Variants in ZFPM2 observed in about 807,000 individuals in gnomAD.
The protein encoded by ZFPM2 is zinc finger protein, FOG family member 2.
ZFPM2 carries 20 observed loss-of-function variants against 98.6 expected under a neutral mutation model. The ratio of observed to expected loss-of-function variants is 0.20; its 90% CI spans 0.14 to 0.29. The LOEUF (loss-of-function observed/expected upper bound fraction) is 0.29. Among genes scored for constraint, ZFPM2 ranks in the 10% least tolerant of loss-of-function variants. The probability of loss-of-function intolerance (pLI) is 1.00; values close to 1 mark genes in which losing one functional copy is unlikely to be tolerated. For synonymous variants in ZFPM2, 518 were observed against 502.7 expected (o/e 1.03, Z -0.41); for missense variants, 1,310 against 1,388.6 (o/e 0.94, Z 0.90).
At chr8:105,722,343 T>G (rs1811686901) in intron 5 of ZFPM2, among the ~76,000 whole-genome samples, 1 of 151,886 alleles carries the variant, frequency 6.6e-6, no homozygotes, top group South Asian at 2.1e-4. Context: ...TGTCAATTTA[T>G]TTTTCGATTA....
At chr8:105,354,224 A>G (rs1812699757) in intron 1 of ZFPM2, among the ~76,000 whole-genome samples, 2 of 152,226 alleles carry the variant, frequency 1.3e-5, no homozygotes, top group Non-Finnish European at 2.9e-5. Flanking sequence ...AAACACTGCA[A>G]TGCACTGAAA....
intron 4 of ZFPM2, among the ~76,000 whole-genome samples, chr8:105,579,307 TAGAA>T (rs1815535672): frequency 2.0e-5 from 3 of 152,196 alleles, no homozygotes; most frequent in African/African-American, 7.2e-5. Context: ...AAAATCAAGT[TAGAA>T]AGTAAAAACT....
intron 3 of ZFPM2, among the ~76,000 whole-genome samples, chr8:105,551,833 T>C (rs748331002): frequency 1.8e-4 from 27 of 152,186 alleles, no homozygotes; most frequent in South Asian, 4.1e-4. Context: ...AATCTCATCA[T>C]GTTACAATAC....
chr8:105,507,331 T>G (rs758477041), intron 3 of ZFPM2, among the ~76,000 whole-genome samples: 1 of 152,184 alleles, frequency 6.6e-6, no homozygotes, highest in Non-Finnish European at 1.5e-5. Flanking sequence ...AATGTGAGAA[T>G]TTCTTCATGA....
intron 1 of ZFPM2, among the ~76,000 whole-genome samples, chr8:105,396,991 A>G (rs1392431028): frequency 2.6e-5 from 4 of 152,212 alleles, no homozygotes; most frequent in African/African-American, 9.6e-5. Context: ...TTAATTACAT[A>G]TTACTCAAGA....
chr8:105,527,483 A>G (rs1039583421), intron 3 of ZFPM2, among the ~76,000 whole-genome samples: 23 of 152,246 alleles, frequency 1.5e-4, no homozygotes, highest in Admixed American at 7.2e-4. Context: ...AGATTTGAAA[A>G]GGGCAGAGTT....
intron 2 of ZFPM2, among the ~76,000 whole-genome samples, chr8:105,427,713 A>G (rs1160761020): frequency 6.6e-6 from 1 of 152,222 alleles, no homozygotes; most frequent in Admixed American, 6.5e-5. Context: ...TAATAAACTC[A>G]GCCACTTTTT....
intron 1 of ZFPM2, among the ~76,000 whole-genome samples, chr8:105,325,678 G>A (rs535970380): frequency 1.3e-5 from 2 of 151,760 alleles, no homozygotes; most frequent in African/African-American, 2.4e-5. Flanking sequence ...TTTTGTTTGC[G>A]AATAGAGGCT....
intron 1 of ZFPM2, among the ~76,000 whole-genome samples, chr8:105,338,780 C>T (rs1471497574): frequency 6.6e-6 from 1 of 151,718 alleles, no homozygotes; most frequent in Non-Finnish European, 1.5e-5. Flanking sequence ...TGTGTCTTAC[C>T]TTAAGGTTGT....
intron 1 of ZFPM2, among the ~76,000 whole-genome samples, chr8:105,379,660 A>C (rs527930812): frequency 1.2e-4 from 18 of 151,598 alleles, no homozygotes; most frequent in African/African-American, 4.4e-4. Flanking sequence ...GGCTGAGGCG[A>C]GAGAATTACT....
At chr8:105,477,662 T>C (rs1167696697) in intron 3 of ZFPM2, among the ~76,000 whole-genome samples, 1 of 152,190 alleles carries the variant, frequency 6.6e-6, no homozygotes, top group Non-Finnish European at 1.5e-5. Flanking sequence ...TAATACCTAA[T>C]GATTTTCTAA....
intron 1 of ZFPM2, among the ~76,000 whole-genome samples, chr8:105,381,423 A>G (rs1170899011): frequency 1.3e-5 from 2 of 152,136 alleles, no homozygotes; most frequent in African/African-American, 2.4e-5. Flanking sequence ...ACCCAATCAG[A>G]GAATTTGAGT....
chr8:105,444,146 T>C (rs1367983570), intron 2 of ZFPM2, 134 bp from the exon 3 acceptor site: 2 of 660,630 alleles, frequency 3.0e-6, no homozygotes, highest in Non-Finnish European at 5.3e-6. Context: ...TCATGAACAT[T>C]TATTAGTGTA....
chr8:105,574,714 T>C (rs992250705), intron 4 of ZFPM2, among the ~76,000 whole-genome samples: 3 of 151,422 alleles, frequency 2.0e-5, no homozygotes, highest in African/African-American at 4.9e-5. Flanking sequence ...TGTACCTCAT[T>C]ACCCTATGTG....
chr8:105,801,324 A>G lies in ZFPM2; in HGVS notation c.1242A>G (p.Leu414=). ...ACAGCTTACAGCCAGCCACAGACTT[A>G]TTGACCAGAAGCGAACTTCCCCAGA... The part of the protein sequence containing the change: ...TEDSLQPATD[L]LTRSELPQSQ... The change falls in exon 8 of 8, where the codon TTA becomes TTG. Residue 414 remains leucine, a synonymous_variant. Transcript: ENST00000407775. 1 of 1,613,950 alleles carries G rather than the reference A, an allele frequency of 6.2e-7. No individual in the cohort carries two copies.
At chr8:105,431,708 G>A (rs1812023101) in intron 2 of ZFPM2, among the ~76,000 whole-genome samples, 1 of 152,030 alleles carries the variant, frequency 6.6e-6, no homozygotes, top group South Asian at 2.1e-4. Context: ...GAGTCCAGGA[G>A]TTTGACACCA....
chr8:105,619,112 CTT>C (rs1816477331), intron 4 of ZFPM2, among the ~76,000 whole-genome samples: 1 of 152,046 alleles, frequency 6.6e-6, no homozygotes, highest in Non-Finnish European at 1.5e-5. Context: ...TTTTTAGAGA[CTT>C]TTATTTTAAA....
At chr8:105,579,137 G>A (rs190847283) in intron 4 of ZFPM2, among the ~76,000 whole-genome samples, 2 of 151,974 alleles carry the variant, frequency 1.3e-5, no homozygotes, top group African/African-American at 4.8e-5. Context: ...AATGTTTAAC[G>A]ACTATATTTT....
chr8:105,780,079 T>G (rs1396901403), intron 5 of ZFPM2, among the ~76,000 whole-genome samples: 2 of 152,226 alleles, frequency 1.3e-5, no homozygotes, highest in Non-Finnish European at 2.9e-5. Flanking sequence ...TGTCAAGGTC[T>G]TAGTAGTTAT....
Sources: gnomAD v4.1 joint callset for allele counts (sites outside exome capture counted in the v4.1 genomes callset) on GRCh38, gnomAD v4.1.1 for gene constraint, MANE v1.5 for transcripts, NCBI Gene and HGNC (gene_info 2026-07-23, HGNC 2026-07-21) for gene names.